NFIX: variants seen among roughly 807,000 people sequenced by gnomAD.
NFIX encodes the protein nuclear factor I X, also known as nuclear factor 1 X-type.
Under a neutral mutation model 53.3 loss-of-function variants are expected in NFIX, and 2 were observed. The observed-to-expected ratio is 0.04, with a 90% confidence interval of 0.02 to 0.12. NFIX has a LOEUF of 0.12. NFIX is among the 10% of genes least tolerant of loss of function. The pLI is 1.00. For missense variants in NFIX, 310 were observed against 674.5 expected, an observed-to-expected ratio of 0.46 and a Z score of 5.99; for synonymous variants, 244 against 289.0, an observed-to-expected ratio of 0.84 and a Z score of 1.58.
intron 2 of NFIX, among the ~76,000 whole-genome samples, chr19:13,061,047 G>A (rs948556152): frequency 1.3e-5 from 2 of 152,048 alleles, no homozygotes; most frequent in African/African-American, 4.8e-5. Flanking sequence ...CATCCTGGGT[G>A]CGTTAGGAAT....
At chr19:13,038,279 A>AT (rs1300908108) in intron 2 of NFIX, among the ~76,000 whole-genome samples, 8 of 152,144 alleles carry the variant, frequency 5.3e-5, no homozygotes, top group Non-Finnish European at 1.2e-4. Context: ...CCTATCCCTT[A>AT]TTGCCTACCA....
chr19:13,058,290 ATG>A (rs2015842965), intron 2 of NFIX, among the ~76,000 whole-genome samples: 1 of 151,992 alleles, frequency 6.6e-6, no homozygotes, highest in Non-Finnish European at 1.5e-5. Context: ...GCCTGCAATT[ATG>A]TAGAGCACAG....
intron 5 of NFIX, among the ~76,000 whole-genome samples, chr19:13,074,348 A>G (rs2145436753): frequency 6.6e-6 from 1 of 152,192 alleles, no homozygotes; most frequent in South Asian, 2.1e-4. Flanking sequence ...GTTGGGGGGT[A>G]TGGGGAAAAT....
rs535985203 is a variant in NFIX, at chr19:12,998,089, G to T, written c.27+2225G>T. 6.6e-6 allele frequency among the ~76,000 whole-genome samples: 1 copy of T among 152,104 alleles called. No individual in the cohort carries two copies. The highest frequency in any genetic ancestry group is 1.5e-5 in the Non-Finnish European group (1 of 68,022). On this transcript the variant is annotated intron_variant, in intron 1 of 10. Transcript: ENST00000592199. This position sits in a 1 kb window ranked among gnomAD's most constrained non-coding sequence, Gnocchi z 4.4. ...TCTTTCTGCTTCCATGGTTTGCCCC[G>T]CTGGTCTCTGTTTTTATGACAACCT...
At chr19:13,085,313 T>C (rs1194568398) in intron 8 of NFIX, among the ~76,000 whole-genome samples, 3 of 151,976 alleles carry the variant, frequency 2.0e-5, no homozygotes, top group Non-Finnish European at 4.4e-5. Flanking sequence ...CATTATTGGG[T>C]GGGATTAACG....
rs750153369 is a variant in NFIX at position 13,087,830 on chromosome 19, T to TA, written c.1255-158dup. Among the ~76,000 whole-genome samples the TA allele has an allele frequency of 5.7e-5, 8 of 140,252 alleles. No homozygotes were observed. In the East Asian group the frequency reaches 1.6e-3, roughly 28 times the overall value. The allele number at this position is 140,252 out of a possible 152,430, so 92.0% of individuals were successfully genotyped here. A position where few individuals can be genotyped will look rare whatever the true frequency, so the allele number is the denominator to read the frequency against. ...CACCTGAGAGACCAAATAGAGGCCT[T>TA]ACACCCTCACCCATCCTGTGCCCTG... On this transcript the variant is annotated intron_variant, in intron 8 of 10. Coordinates refer to ENST00000592199, the MANE Select transcript of NFIX (RefSeq NM_001365902.3).
rs976660098 is a variant in NFIX at position 13,078,577 on chromosome 19, C to G, written c.956-36C>G. The G allele has an allele frequency of 2.5e-6, 4 of 1,578,902 alleles. No homozygotes were observed. The highest frequency in any genetic ancestry group is 3.4e-6 in the Non-Finnish European group (4 of 1,161,620). On this transcript the variant is annotated intron_variant, in intron 6 of 10. Coordinates refer to ENST00000592199, the MANE Select transcript of NFIX (RefSeq NM_001365902.3). The surrounding 1 kb of genome is among the most constrained non-coding windows in gnomAD (Gnocchi z 4.7). ...CTTCCCCGCACCCACCCCAGCCCAG[C>G]TAAACCTGCCCTGTGTTGCTGCTTC...
intron 5 of NFIX, 146 bp downstream of exon 5, chr19:13,074,172 T>TA (rs2016935075): frequency 1.9e-6 from 2 of 1,077,284 alleles, no homozygotes; most frequent in Non-Finnish European, 2.7e-6. Flanking sequence ...TCTAACACTT[T>TA]AGAGTCCACC....
At chr19:13,083,652 C>G (rs1483234602) in intron 8 of NFIX, among the ~76,000 whole-genome samples, 1 of 152,212 alleles carries the variant, frequency 6.6e-6, no homozygotes, top group African/African-American at 2.4e-5. Context: ...CAAACAGGCA[C>G]CTTGATTAAG....
In NFIX at chr19:13,052,105, G is replaced by A. The variant is rs184836833; in HGVS notation, c.560-20942G>A. ...CCTCAGGCATCCAGGTGGTGCCCGG[G>A]TTGATATGCAGCTGCCTGCCCTTGC... On this transcript the variant is annotated intron_variant, in intron 2 of 10. Coordinates refer to ENST00000592199, the MANE Select transcript of NFIX (RefSeq NM_001365902.3). This position sits in a 1 kb window ranked among gnomAD's most constrained non-coding sequence, Gnocchi z 5.2. Among the ~76,000 whole-genome samples the A allele has an allele frequency of 6.6e-6, 1 of 152,298 alleles. No individual in the cohort carries two copies. Among genetic ancestry groups the A allele is most frequent in the African/African-American group, 2.4e-5 (1 of 41,562 alleles).
In NFIX at chr19:13,088,500, T is replaced by TG. The variant is rs1014740661; in HGVS notation, c.1402+364_1402+365insG. 2.6e-5 allele frequency among the ~76,000 whole-genome samples: 4 copies of TG among 151,720 alleles called. No individual in the cohort carries two copies. Among genetic ancestry groups the TG allele is most frequent in the African/African-American group, 9.7e-5 (4 of 41,332 alleles). The stretch of plus-strand genomic sequence containing the variant: ...CATGCCTGATTGCTGTTTTTTTTTT[T>TG]TTGTTTTTTGTTTTTGTTTTTTAAT... On this transcript the variant is annotated intron_variant, in intron 9 of 10. Transcript: ENST00000592199. This position sits in a 1 kb window ranked among gnomAD's most constrained non-coding sequence, Gnocchi z 5.9.
chr19:13,026,547 C>T (rs555135177), intron 2 of NFIX, among the ~76,000 whole-genome samples: 1 of 152,186 alleles, frequency 6.6e-6, no homozygotes, highest in African/African-American at 2.4e-5. Flanking sequence ...TTTCTTTCCG[C>T]TTTTGTTTTC....
chr19:13,075,491 C>T, intron 5 of NFIX, 44 bp from the exon 6 acceptor site: 6 of 1,606,332 alleles, frequency 3.7e-6, no homozygotes, highest in East Asian at 4.5e-5. Flanking sequence ...TCCCTGGAGC[C>T]TCAGCCCATC....
chr19:13,034,407 A>G (rs2014032519), intron 2 of NFIX, among the ~76,000 whole-genome samples: 1 of 152,200 alleles, frequency 6.6e-6, no homozygotes, highest in Non-Finnish European at 1.5e-5. Context: ...TGAGTCTAGC[A>G]TAGACAGGGG....
chr19:13,088,415 C>T lies in NFIX; in HGVS notation c.1402+279C>T, dbSNP rs1398776920. On this transcript the variant is annotated intron_variant, in intron 9 of 10. Coordinates refer to ENST00000592199, the MANE Select transcript of NFIX (RefSeq NM_001365902.3). This position sits in a 1 kb window ranked among gnomAD's most constrained non-coding sequence, Gnocchi z 5.9. The stretch of plus-strand genomic sequence containing the variant: ...CGGGAGGGAGAGCACAGCTGGGGCG[C>T]GCAGGCCAGGGGTGCTGGCGGGGGT... 4.0e-5 allele frequency among the ~76,000 whole-genome samples: 6 copies of T among 151,640 alleles called. 1 individual carries two copies. Among genetic ancestry groups the T allele is most frequent in the South Asian group, 4.2e-4 (2 of 4,816 alleles).
intron 2 of NFIX, among the ~76,000 whole-genome samples, chr19:13,031,403 G>C (rs1027060497): frequency 2.0e-5 from 3 of 152,114 alleles, no homozygotes; most frequent in East Asian, 1.9e-4. Context: ...GAGGAAACAG[G>C]GCTACTCTGC....
At chr19:13,064,615 G>C (rs2016292560) in intron 2 of NFIX, among the ~76,000 whole-genome samples, 1 of 152,218 alleles carries the variant, frequency 6.6e-6, no homozygotes, top group Non-Finnish European at 1.5e-5. Context: ...AGATGGTAGT[G>C]GGCCAGGCCC....
rs1194708944 is a variant in NFIX at position 13,002,756 on chromosome 19, C to T, written c.27+6892C>T. ...CGGCGCTCTGCAGCCAATCGGAAGC[C>T]GGGGTTGCACTGGGGAGCTCTCCCC... On this transcript the variant is annotated intron_variant, in intron 1 of 10. Coordinates refer to ENST00000592199, the MANE Select transcript of NFIX (RefSeq NM_001365902.3). The surrounding 1 kb of genome is among the most constrained non-coding windows in gnomAD (Gnocchi z 6.1). 2.0e-5 allele frequency among the ~76,000 whole-genome samples: 3 copies of T among 152,102 alleles called. No homozygotes were observed. The highest frequency in any genetic ancestry group is 4.8e-5 in the African/African-American group (2 of 41,424).
In NFIX at chr19:13,093,745, C is replaced by A. The variant is rs2018276365; in HGVS notation, c.1495-890C>A. 6.6e-6 allele frequency among the ~76,000 whole-genome samples: 1 copy of A among 152,140 alleles called. No individual in the cohort carries two copies. Among genetic ancestry groups the A allele is most frequent in the South Asian group, 2.1e-4 (1 of 4,830 alleles). The stretch of plus-strand genomic sequence containing the variant: ...AGGTCCCAAGATGCATTTTCAGGGA[C>A]CCTCATTTTGCCCCAACGGTACTAC... On this transcript the variant is annotated intron_variant, in intron 10 of 10. Coordinates refer to ENST00000592199, the MANE Select transcript of NFIX (RefSeq NM_001365902.3). This position sits in a 1 kb window ranked among gnomAD's most constrained non-coding sequence, Gnocchi z 4.7.
Sources: allele counts gnomAD v4.1 joint callset (sites outside exome capture counted in the v4.1 genomes callset), GRCh38; gene constraint gnomAD v4.1.1; non-coding constraint Gnocchi (gnomAD v3.1); transcripts MANE v1.5; gene names NCBI Gene and HGNC (gene_info 2026-07-23, HGNC 2026-07-21).